TMEM38A: variants seen among roughly 807,000 people sequenced by gnomAD.
The protein encoded by TMEM38A is trimeric intracellular cation channel type A.
Under a neutral mutation model 28.6 loss-of-function variants are expected in TMEM38A, and 17 were observed. The ratio of observed to expected loss-of-function variants is 0.60; its 90% CI spans 0.41 to 0.89. TMEM38A has a LOEUF of 0.89. Among genes scored for constraint, TMEM38A ranks in the 40% least tolerant of loss-of-function variants. The probability of loss-of-function intolerance (pLI) is 0.00; values close to 1 mark genes in which losing one functional copy is unlikely to be tolerated. For missense variants in TMEM38A, 328 were observed against 393.1 expected (o/e 0.83, Z 1.40); for synonymous variants, 169 against 166.1 (o/e 1.02, Z -0.14).
chr19:16,686,820 A>G (rs1241220402), intron 5 of TMEM38A, among the ~76,000 whole-genome samples: 1 of 152,116 alleles, frequency 6.6e-6, no homozygotes, highest in Non-Finnish European at 1.5e-5. Flanking sequence ...CTCCCTCTGC[A>G]TGAAGATCTT....
At chr19:16,677,823 G>A (rs952349531) in intron 1 of TMEM38A, among the ~76,000 whole-genome samples, 9 of 152,176 alleles carry the variant, frequency 5.9e-5, no homozygotes, top group African/African-American at 2.2e-4. Flanking sequence ...CTCCCAGAGT[G>A]TTGGGATTAC....
intron 1 of TMEM38A, among the ~76,000 whole-genome samples, chr19:16,678,138 A>G (rs950947722): frequency 6.6e-6 from 1 of 152,174 alleles, no homozygotes; most frequent in Non-Finnish European, 1.5e-5. Context: ...ATAGAACCAC[A>G]CACTTGGCCA....
rs530167363 is a variant in TMEM38A at position 16,679,189 on chromosome 19, A to G, written c.125-795A>G. The stretch of plus-strand genomic sequence containing the variant: ...GTTAAAAAAAAAAAAAAAAAAGAAT[A>G]CCAGCATAAGCTCATAGGGATCTTG... On this transcript the variant is annotated intron_variant, in intron 1 of 5. Coordinates refer to ENST00000187762, the MANE Select transcript of TMEM38A (RefSeq NM_024074.4). Among the ~76,000 whole-genome samples the G allele has an allele frequency of 2.1e-4, 31 of 147,032 alleles. No homozygotes were observed. The East Asian group carries it at 5.7e-3, about 27-fold the overall frequency.
At chr19:16,685,793 G>A (rs945866908) in intron 4 of TMEM38A, among the ~76,000 whole-genome samples, 4 of 152,186 alleles carry the variant, frequency 2.6e-5, no homozygotes, top group African/African-American at 9.7e-5. Context: ...CCAGGAGCTG[G>A]ACAAAGGCCA....
At position 16,661,376 on chromosome 19, in the gene TMEM38A, G is replaced by A; in HGVS notation, c.124+35G>A. 6.6e-7 allele frequency: 1 copy of A among 1,517,008 alleles called. No individual in the cohort carries two copies. Among genetic ancestry groups the A allele is most frequent in the East Asian group, 2.7e-5 (1 of 37,638 alleles). 94.0% of individuals were successfully genotyped at this position (1,517,008 alleles called of 1,614,324 possible). A position where few individuals can be genotyped will look rare whatever the true frequency, so the allele number is the denominator to read the frequency against. The stretch of plus-strand genomic sequence containing the variant: ...GGCGGGGGGCTGGAGGGGACCGGCA[G>A]CGGGTGGCGCGGGCCGGGGCAGCTC... On this transcript the variant is annotated intron_variant, in intron 1 of 5. Coordinates refer to ENST00000187762, the MANE Select transcript of TMEM38A (RefSeq NM_024074.4). The surrounding 1 kb of genome is among the most constrained non-coding windows in gnomAD (Gnocchi z 6.5).
chr19:16,675,018 A>C (rs975734414), intron 1 of TMEM38A, among the ~76,000 whole-genome samples: 1 of 152,160 alleles, frequency 6.6e-6, no homozygotes, highest in Non-Finnish European at 1.5e-5. Context: ...AATCTGTTGC[A>C]GATGCTATAA....
chr19:16,689,313 T>G lies in TMEM38A; in HGVS notation c.*942T>G, dbSNP rs545565709. 6.6e-6 allele frequency: 1 copy of G among 152,414 alleles called. No homozygotes were observed. Among genetic ancestry groups the G allele is most frequent in the East Asian group, 1.9e-4 (1 of 5,186 alleles). The allele number at this position is 152,414 out of a possible 1,614,324, so 9.4% of individuals were successfully genotyped here. On this transcript the variant is annotated 3_prime_UTR_variant, in exon 6 of 6. Transcript: ENST00000187762. ...CTGCAGTTAAAAAAGGCTCACATGC[T>G]CCTAGCCTCGTGCAGTCAGGAGGGG...
chr19:16,674,756 G>T (rs957349432), intron 1 of TMEM38A, among the ~76,000 whole-genome samples: 1 of 151,900 alleles, frequency 6.6e-6, no homozygotes, highest in Non-Finnish European at 1.5e-5. Flanking sequence ...CCAAGATCGC[G>T]CCATTGAACT....
intron 1 of TMEM38A, among the ~76,000 whole-genome samples, chr19:16,663,544 T>G (rs1369623135): frequency 6.6e-6 from 1 of 151,536 alleles, no homozygotes; most frequent in Non-Finnish European, 1.5e-5. Flanking sequence ...CTTTTTTTTT[T>G]TTGAAACGGA....
At position 16,661,191 on chromosome 19, in the gene TMEM38A, C is replaced by A; in HGVS notation, c.-27C>A. On this transcript the variant is annotated 5_prime_UTR_variant, in exon 1 of 6. Transcript: ENST00000187762. This position sits in a 1 kb window ranked among gnomAD's most constrained non-coding sequence, Gnocchi z 6.5. ...CGGACGAGGCCGGGGCCCCGGGTGG[C>A]ACCCGGCAGGCGGGCAGGCGGGCGC... 1 of 1,355,056 alleles carries A rather than the reference C, an allele frequency of 7.4e-7. No individual in the cohort carries two copies. The highest frequency in any genetic ancestry group is 1.7e-5 in the South Asian group (1 of 58,746). 83.9% of individuals were successfully genotyped at this position (1,355,056 alleles called of 1,614,324 possible). A position where few individuals can be genotyped will look rare whatever the true frequency, so the allele number is the denominator to read the frequency against.
chr19:16,680,607 A>G, intron 3 of TMEM38A, 26 bp downstream of exon 3: 1 of 1,605,500 alleles, frequency 6.2e-7, no homozygotes. Flanking sequence ...ACAATGAAAA[A>G]TCATCCCAGT....
intron 1 of TMEM38A, among the ~76,000 whole-genome samples, chr19:16,677,913 C>T (rs2122590368): frequency 6.6e-6 from 1 of 152,184 alleles, no homozygotes; most frequent in South Asian, 2.1e-4. Context: ...GGACATTATG[C>T]TCAATAAGCC....
Position 16,688,470 on chromosome 19 carries a change from T to A in TMEM38A, c.*99T>A, listed in dbSNP as rs2086811483. On this transcript the variant is annotated 3_prime_UTR_variant, in exon 6 of 6. Coordinates refer to ENST00000187762, the MANE Select transcript of TMEM38A (RefSeq NM_024074.4). ...GATCTATCCTTTCCTGGCCTTGACT[T>A]CCCCATCTGCAAATCAGGGTCATTG... 1.2e-5 allele frequency: 12 copies of A among 984,262 alleles called. No individual in the cohort carries two copies. Among genetic ancestry groups the A allele is most frequent in the Non-Finnish European group, 1.4e-5 (10 of 726,282 alleles). 61.0% of individuals were successfully genotyped at this position (984,262 alleles called of 1,614,324 possible).
At chr19:16,678,304 C>G (rs2086761463) in intron 1 of TMEM38A, among the ~76,000 whole-genome samples, 1 of 152,006 alleles carries the variant, frequency 6.6e-6, no homozygotes, top group Non-Finnish European at 1.5e-5. Context: ...TGGCGCATGC[C>G]TGTAATCCCA....
At chr19:16,680,206 G>A in intron 2 of TMEM38A, 66 bp downstream of exon 2, 2 of 1,578,570 alleles carry the variant, frequency 1.3e-6, no homozygotes, top group Non-Finnish European at 8.6e-7. Context: ...GCACCAGGGA[G>A]GAGAGAGGTT....
At chr19:16,672,982 C>T (rs1363920598) in intron 1 of TMEM38A, among the ~76,000 whole-genome samples, 4 of 151,938 alleles carry the variant, frequency 2.6e-5, no homozygotes, top group Non-Finnish European at 4.4e-5. Flanking sequence ...ACAGAATGCC[C>T]CCATAGCAAA....
At chr19:16,676,699 C>G (rs2086752905) in intron 1 of TMEM38A, among the ~76,000 whole-genome samples, 1 of 149,482 alleles carries the variant, frequency 6.7e-6, no homozygotes, top group African/African-American at 2.5e-5. Context: ...ATACAAGATG[C>G]AAGGATTTAG....
chr19:16,675,373 A>T (rs1599388444), intron 1 of TMEM38A, among the ~76,000 whole-genome samples: 1 of 151,574 alleles, frequency 6.6e-6, no homozygotes, highest in South Asian at 2.1e-4. Context: ...GAATACAGAC[A>T]CCTGCCATCA....
chr19:16,676,439 G>A (rs1473626452), intron 1 of TMEM38A, among the ~76,000 whole-genome samples: 1 of 152,162 alleles, frequency 6.6e-6, no homozygotes, highest in Admixed American at 6.6e-5. Flanking sequence ...ATTAGAATAA[G>A]TTGTATTAGG....
Sources: allele counts gnomAD v4.1 joint callset (sites outside exome capture counted in the v4.1 genomes callset), GRCh38; gene constraint gnomAD v4.1.1; non-coding constraint Gnocchi (gnomAD v3.1); transcripts MANE v1.5; gene names NCBI Gene and HGNC (gene_info 2026-07-23, HGNC 2026-07-21).